The following CDC14A variants were observed in gnomAD, a reference collection of about 807,000 sequenced individuals.
CDC14A encodes dual specificity protein phosphatase CDC14A.
Under a neutral mutation model 74.4 loss-of-function variants are expected in CDC14A, and 53 were observed. The ratio of observed to expected loss-of-function variants is 0.71; its 90% CI spans 0.57 to 0.89. The LOEUF is 0.89. Ranked by LOEUF, CDC14A falls within the 40% of genes least tolerant of loss-of-function variation. The pLI is 0.00. For missense variants in CDC14A, 646 were observed against 713.7 expected (o/e 0.91, Z 1.08); for synonymous variants, 247 against 258.4 (o/e 0.96, Z 0.43).
intron 7 of CDC14A, among the ~76,000 whole-genome samples, chr1:100,445,340 A>T (rs1301109864): frequency 6.6e-6 from 1 of 152,204 alleles, no homozygotes; most frequent in Non-Finnish European, 1.5e-5. Context: ...CACCTTTTAC[A>T]GTCCTATACC....
chr1:100,492,674 T>A (rs547409739), intron 11 of CDC14A, among the ~76,000 whole-genome samples: 1 of 152,326 alleles, frequency 6.6e-6, no homozygotes, highest in South Asian at 2.1e-4. Context: ...CCTTTTTAAA[T>A]TTGCATAGTT....
At position 100,511,201 on chromosome 1, in the gene CDC14A, C is replaced by A. The variant is rs1359886982; in HGVS notation, c.1756-7050C>A. On this transcript the variant is annotated intron_variant, in intron 15 of 15. Coordinates refer to ENST00000336454, the MANE Select transcript of CDC14A (RefSeq NM_003672.4). ...CTCCTCAACTGCAAATGTGCACATC[C>A]AAGTTGGTAGGCTGGTGGGGGCTGG... 2.6e-5 allele frequency among the ~76,000 whole-genome samples: 4 copies of A among 152,208 alleles called. No homozygotes were observed. The East Asian group carries it at 7.7e-4, about 29-fold the overall frequency.
At chr1:100,377,679 G>C (rs1655480733) in intron 3 of CDC14A, 58 bp downstream of exon 3, 9 of 1,283,462 alleles carry the variant, frequency 7.0e-6, no homozygotes, top group Non-Finnish European at 1.0e-5. Flanking sequence ...CATAGGATCT[G>C]CTCAGTGGGG....
At chr1:100,404,488 A>T (rs1659677593) in intron 4 of CDC14A, among the ~76,000 whole-genome samples, 2 of 152,154 alleles carry the variant, frequency 1.3e-5, no homozygotes, top group South Asian at 4.1e-4. Flanking sequence ...ATTGATGAGG[A>T]CTTAAAGCCA....
intron 11 of CDC14A, 24 bp downstream of exon 11, chr1:100,484,475 A>T (rs375641563): frequency 1.9e-6 from 3 of 1,584,428 alleles, no homozygotes; most frequent in Non-Finnish European, 8.6e-7. Flanking sequence ...AGGAGATTCT[A>T]TCTTCTTAAA....
chr1:100,516,286 GCA>G lies in CDC14A; in HGVS notation c.1756-1956_1756-1955del, dbSNP rs568138006. 1.2e-3 allele frequency among the ~76,000 whole-genome samples: 179 copies of G among 152,000 alleles called. 1 individual carries two copies. The highest frequency in any genetic ancestry group is 4.1e-3 in the African/African-American group (171 of 41,470). ...TGTGTGTTTATATATATAAATATAT[GCA>G]CACACACATATTTGCCCCTCTATAT... On this transcript the variant is annotated intron_variant, in intron 15 of 15. Coordinates refer to ENST00000336454, the MANE Select transcript of CDC14A (RefSeq NM_003672.4).
chr1:100,372,326 T>G (rs1654592334), intron 2 of CDC14A, among the ~76,000 whole-genome samples: 1 of 152,216 alleles, frequency 6.6e-6, no homozygotes, highest in South Asian at 2.1e-4. Flanking sequence ...TGATTCACTC[T>G]TCCTTTCATG....
intron 13 of CDC14A, among the ~76,000 whole-genome samples, chr1:100,496,552 C>T (rs1647858946): frequency 6.6e-6 from 1 of 152,126 alleles, no homozygotes; most frequent in Admixed American, 6.5e-5. Flanking sequence ...GTACCACGAT[C>T]TGGTGTGGCA....
chr1:100,505,778 C>T (rs1021890306), intron 15 of CDC14A, among the ~76,000 whole-genome samples: 4 of 152,096 alleles, frequency 2.6e-5, no homozygotes, highest in Non-Finnish European at 5.9e-5. Context: ...TTAAGAAATA[C>T]CTGAGGCTGG....
intron 11 of CDC14A, chr1:100,486,015 C>T (rs1669984950): frequency 6.6e-6 from 1 of 152,166 alleles, no homozygotes; most frequent in African/African-American, 2.4e-5. Flanking sequence ...GTTCCAGTTT[C>T]ACCTATTAAG....
At chr1:100,456,701 A>G (rs1293714014) in intron 8 of CDC14A, among the ~76,000 whole-genome samples, 1 of 152,056 alleles carries the variant, frequency 6.6e-6, no homozygotes, top group Non-Finnish European at 1.5e-5. Context: ...GTTTCATTGT[A>G]TATTGTTATT....
chr1:100,394,111 C>CTTAT (rs941480961), intron 4 of CDC14A: 9 of 101,964 alleles, frequency 8.8e-5, no homozygotes, highest in South Asian at 3.3e-4. Flanking sequence ...TCTTTCCTTA[C>CTTAT]TTATTTATTT....
chr1:100,397,633 A>G (rs1002354728), intron 4 of CDC14A, among the ~76,000 whole-genome samples: 1 of 152,224 alleles, frequency 6.6e-6, no homozygotes, highest in African/African-American at 2.4e-5. Context: ...AGAAGATGTT[A>G]AAATAAGTGT....
chr1:100,472,970 T>C (rs1225763155), intron 10 of CDC14A, among the ~76,000 whole-genome samples: 2 of 152,082 alleles, frequency 1.3e-5, no homozygotes, highest in African/African-American at 2.4e-5. Flanking sequence ...ACTGGACCTA[T>C]ATAGTGAGCC....
intron 1 of CDC14A, among the ~76,000 whole-genome samples, chr1:100,353,511 C>T (rs1651432986): frequency 6.6e-6 from 1 of 152,194 alleles, no homozygotes; most frequent in East Asian, 1.9e-4. Flanking sequence ...CCAGCTCCTG[C>T]CTACTCTGCT....
chr1:100,466,407 C>G (rs1168302083), intron 9 of CDC14A, among the ~76,000 whole-genome samples: 2 of 152,116 alleles, frequency 1.3e-5, no homozygotes, highest in African/African-American at 4.8e-5. Flanking sequence ...AAATAGAAGG[C>G]AAATTACGCA....
Position 100,455,446 on chromosome 1 carries a change from A to C in CDC14A, c.561A>C (p.Lys187Asn). 1 of 1,601,832 alleles carries C rather than the reference A, an allele frequency of 6.2e-7. No homozygotes were observed. Among genetic ancestry groups the C allele is most frequent in the Non-Finnish European group, 8.5e-7 (1 of 1,176,672 alleles). ...NGDFNWIVPG[K>N]FLAFSGPHPK... is the part of the protein sequence containing the mutation. ...ACTTCAACTGGATTGTTCCAGGAAA[A>C]TTTTTAGCATTTAGTGGACCACATC... The change falls in exon 8 of 16, where the codon AAA (lysine) becomes AAC (asparagine). Residue 187 changes from lysine (K) to asparagine (N), a missense_variant. Lys to Asn is a moderately conservative substitution (Grantham distance 94). Transcript: ENST00000336454.
At chr1:100,512,793 C>T (rs1249197838) in intron 15 of CDC14A, among the ~76,000 whole-genome samples, 2 of 152,208 alleles carry the variant, frequency 1.3e-5, no homozygotes, top group Non-Finnish European at 2.9e-5. Context: ...AAAATGCACA[C>T]ACACCTTTCG....
chr1:100,396,151 G>A (rs1186395116), intron 4 of CDC14A, among the ~76,000 whole-genome samples: 1 of 152,186 alleles, frequency 6.6e-6, no homozygotes, highest in African/African-American at 2.4e-5. Context: ...ATTTAACAAG[G>A]GGTTAGGCCG....
Sources: gnomAD v4.1 joint callset for allele counts (sites outside exome capture counted in the v4.1 genomes callset) on GRCh38, gnomAD v4.1.1 for gene constraint, MANE v1.5 for transcripts, NCBI Gene and HGNC (gene_info 2026-07-23, HGNC 2026-07-21) for gene names.